The following WLS variants were observed in gnomAD, a reference collection of about 807,000 sequenced individuals.
The protein encoded by WLS is protein wntless homolog.
Under a neutral mutation model 62.8 loss-of-function variants are expected in WLS, and 23 were observed. That is an observed-to-expected ratio of 0.37 (90% CI 0.26 to 0.52). The LOEUF is 0.52. Ranked by LOEUF, WLS falls within the 20% of genes least tolerant of loss-of-function variation. WLS has a pLI of 0.92. For missense variants in WLS, 615 were observed against 697.3 expected, an observed-to-expected ratio of 0.88 and a Z score of 1.33; for synonymous variants, 246 against 244.1, an observed-to-expected ratio of 1.01 and a Z score of -0.07.
At chr1:68,153,279 A>G (rs531534156) in intron 5 of WLS, among the ~76,000 whole-genome samples, 159 of 152,264 alleles carry the variant, frequency 1.0e-3, no homozygotes, top group African/African-American at 3.6e-3. Flanking sequence ...GTCTCCAAAA[A>G]ATAAATTAAT....
chr1:68,210,248 T>C (rs909166837), intron 1 of WLS, among the ~76,000 whole-genome samples: 1 of 152,086 alleles, frequency 6.6e-6, no homozygotes, highest in African/African-American at 2.4e-5. Flanking sequence ...GGGAAGGCAA[T>C]CACCAGAAAG....
At chr1:68,170,457 C>T (rs186870254) in intron 2 of WLS, among the ~76,000 whole-genome samples, 191 of 152,136 alleles carry the variant, frequency 1.3e-3, no homozygotes, top group African/African-American at 4.0e-3. Flanking sequence ...TGTGAGCCAC[C>T]GCGCTCGGCC....
rs549338993 is a variant in WLS, at chr1:68,185,546, C to T, written c.379+8409G>A. Among the ~76,000 whole-genome samples, 45 of 152,288 alleles carry T rather than the reference C, an allele frequency of 3.0e-4. No individual in the cohort carries two copies. The South Asian group carries it at 3.1e-3, about 11-fold the overall frequency. ...GTCAGATCAGCTGGCATTATATTCT[C>T]ATAGGAGTGGGAACCCTATTGTGAA... On this transcript the variant is annotated intron_variant, in intron 2 of 11. Coordinates refer to ENST00000262348, the MANE Select transcript of WLS (RefSeq NM_024911.7).
intron 2 of WLS, among the ~76,000 whole-genome samples, chr1:68,186,804 A>T (rs1173619081): frequency 6.7e-6 from 1 of 150,074 alleles, no homozygotes; most frequent in Non-Finnish European, 1.5e-5. Flanking sequence ...ATATAACATA[A>T]TATATATAAT....
intron 2 of WLS, chr1:68,162,050 G>C (rs1307428543): frequency 6.3e-7 from 1 of 1,590,428 alleles, no homozygotes; most frequent in African/African-American, 1.3e-5. Context: ...TCTGGGATGT[G>C]ACCTGTGATG....
rs1234657133 is a variant in WLS at position 68,163,161 on chromosome 1, G to C, written c.380-3914C>G. ...CTCTAAGAACTTAGGGGAACTCGCAGGAGTCTCCGTGCATGACGCCACTAT... is the reference window on the plus strand; with the variant it reads ...CTCTAAGAACTTAGGGGAACTCGCACGAGTCTCCGTGCATGACGCCACTAT... On this transcript the variant is annotated intron_variant, in intron 2 of 11. Coordinates refer to ENST00000262348, the MANE Select transcript of WLS (RefSeq NM_024911.7). 3.0e-6 allele frequency: 3 copies of C among 987,446 alleles called. No homozygotes were observed. The African/African-American group carries it at 4.8e-5, about 16-fold the overall frequency. 61.2% of individuals were successfully genotyped at this position (987,446 alleles called of 1,614,324 possible). A position where few individuals can be genotyped will look rare whatever the true frequency, so the allele number is the denominator to read the frequency against.
At chr1:68,219,056 C>G (rs550489230) in intron 1 of WLS, among the ~76,000 whole-genome samples, 1 of 152,182 alleles carries the variant, frequency 6.6e-6, no homozygotes, top group African/African-American at 2.4e-5. Flanking sequence ...AGAAGAAACA[C>G]ATTTACTTCT....
At chr1:68,224,354 C>T (rs1650052929) in intron 1 of WLS, among the ~76,000 whole-genome samples, 2 of 152,174 alleles carry the variant, frequency 1.3e-5, no homozygotes, top group Admixed American at 1.3e-4. Flanking sequence ...AAGACAGTCT[C>T]ATATATTTCC....
At chr1:68,163,023 G>C (rs796191329) in intron 2 of WLS, 2 of 1,592,630 alleles carry the variant, frequency 1.3e-6, no homozygotes, top group Non-Finnish European at 1.7e-6. Flanking sequence ...CATGATCTGG[G>C]GGCGGATACC....
intron 1 of WLS, among the ~76,000 whole-genome samples, chr1:68,226,155 A>ATTTC (rs1234353630): frequency 1.2e-4 from 18 of 152,320 alleles, no homozygotes; most frequent in East Asian, 7.7e-4. Context: ...AAAATGAGAA[A>ATTTC]TCAGTTTTAG....
chr1:68,150,993 C>T (rs1402902892), intron 5 of WLS, among the ~76,000 whole-genome samples: 1 of 152,196 alleles, frequency 6.6e-6, no homozygotes, highest in East Asian at 1.9e-4. Flanking sequence ...ATTGTGTTAG[C>T]ACTATGGAAT....
At chr1:68,129,460 G>A (rs1324445285) in intron 11 of WLS, among the ~76,000 whole-genome samples, 1 of 152,156 alleles carries the variant, frequency 6.6e-6, no homozygotes, top group Non-Finnish European at 1.5e-5. Context: ...ATGAGTATTG[G>A]CCATATGCAC....
Position 68,125,704 on chromosome 1 carries a change from CTTA to C in WLS, c.*519_*521del. The C allele has an allele frequency of 1.0e-6, 1 of 984,540 alleles. No individual in the cohort carries two copies. 61.0% of individuals were successfully genotyped at this position (984,540 alleles called of 1,614,324 possible). On this transcript the variant is annotated 3_prime_UTR_variant, in exon 12 of 12. Transcript: ENST00000262348. ...AACAGGGACACTTATCTATTGACAA[CTTA>C]AATATTAACTCAGTGGGCTACCTGG...
At chr1:68,215,668 T>C (rs947635315) in intron 1 of WLS, among the ~76,000 whole-genome samples, 1 of 152,248 alleles carries the variant, frequency 6.6e-6, no homozygotes, top group African/African-American at 2.4e-5. Flanking sequence ...AGCCTTAAAC[T>C]GGAATTATTC....
intron 11 of WLS, among the ~76,000 whole-genome samples, chr1:68,132,654 G>A (rs888049472): frequency 3.9e-5 from 6 of 152,170 alleles, no homozygotes; most frequent in African/African-American, 1.4e-4. Context: ...AGCGTGAACA[G>A]AAATAGGAGG....
chr1:68,208,513 T>G (rs369894823), intron 1 of WLS, among the ~76,000 whole-genome samples: 3 of 152,086 alleles, frequency 2.0e-5, no homozygotes, highest in African/African-American at 7.2e-5. Context: ...GGAAGAGACG[T>G]TAGAAACATC....
chr1:68,184,740 G>C (rs1429639214), intron 2 of WLS, among the ~76,000 whole-genome samples: 1 of 152,168 alleles, frequency 6.6e-6, no homozygotes, highest in East Asian at 1.9e-4. Flanking sequence ...AGCCAGCACT[G>C]ACTCAATCAT....
intron 2 of WLS, among the ~76,000 whole-genome samples, chr1:68,178,474 C>T (rs1034683915): frequency 1.3e-5 from 2 of 151,968 alleles, no homozygotes; most frequent in East Asian, 1.9e-4. Flanking sequence ...TTTGGGAAGC[C>T]GAGGTGGGCA....
intron 2 of WLS, among the ~76,000 whole-genome samples, chr1:68,170,281 T>G (rs1429226357): frequency 6.7e-6 from 1 of 149,204 alleles, no homozygotes; most frequent in Non-Finnish European, 1.5e-5. Flanking sequence ...TTCTCCTGCC[T>G]CAGCCTCCTG....
Sources: gnomAD v4.1 joint callset for allele counts (sites outside exome capture counted in the v4.1 genomes callset) on GRCh38, gnomAD v4.1.1 for gene constraint, MANE v1.5 for transcripts, NCBI Gene and HGNC (gene_info 2026-07-23, HGNC 2026-07-21) for gene names.